Variants in ZMAT5 observed in about 807,000 individuals in gnomAD.
ZMAT5 encodes the protein zinc finger matrin-type 5.
A neutral mutation model predicts 28.0 loss-of-function variants in ZMAT5; 23 were observed. The observed-to-expected ratio is 0.82, with a 90% CI of 0.59 to 1.16. The LOEUF is 1.16. Among genes scored for constraint, ZMAT5 ranks in the 50% most tolerant of loss-of-function variants. ZMAT5 has a pLI of 0.00. For missense variants in ZMAT5, 173 were observed against 212.7 expected (o/e 0.81, Z 1.16); for synonymous variants, 76 against 84.1 (o/e 0.90, Z 0.52).
Position 29,738,327 on chromosome 22 carries a change from T to C in ZMAT5, c.383+3A>G, listed in dbSNP as rs771174040. 9 of 1,607,910 alleles carry C rather than the reference T, an allele frequency of 5.6e-6. No homozygotes were observed. In the South Asian group the frequency reaches 7.7e-5, roughly 14 times the overall value. ...AGCGGGAGGGAACCCTGGGGACCTGTACCTGCTACTTGGGGCTGAGCTCAG... is the reference window on the plus strand; with the variant it reads ...AGCGGGAGGGAACCCTGGGGACCTGCACCTGCTACTTGGGGCTGAGCTCAG... On this transcript the variant is annotated splice_donor_region_variant and intron_variant, in intron 5 of 5. Coordinates refer to ENST00000344318, the MANE Select transcript of ZMAT5 (RefSeq NM_001003692.2).
At chr22:29,751,520 C>G (rs1347896359) in intron 1 of ZMAT5, among the ~76,000 whole-genome samples, 1 of 152,210 alleles carries the variant, frequency 6.6e-6, no homozygotes, top group Non-Finnish European at 1.5e-5. Flanking sequence ...TATGCATCAT[C>G]TCATTTAATC....
At chr22:29,765,282 G>A (rs960911016) in intron 1 of ZMAT5, among the ~76,000 whole-genome samples, 3 of 151,794 alleles carry the variant, frequency 2.0e-5, no homozygotes, top group Admixed American at 6.6e-5. Flanking sequence ...AGCTGGGCGT[G>A]TTGGCATCCG....
At position 29,750,715 on chromosome 22, in the gene ZMAT5, C is replaced by A. The variant is rs995310386; in HGVS notation, c.-27-2144G>T. Among the ~76,000 whole-genome samples, 4 of 152,190 alleles carry A rather than the reference C, an allele frequency of 2.6e-5. No individual in the cohort carries two copies. In the East Asian group the frequency reaches 5.8e-4, roughly 22 times the overall value. On this transcript the variant is annotated intron_variant, in intron 1 of 5. Transcript: ENST00000344318. ...GGAAGAGAAATGATTTCCCCCAGGT[C>A]ACAAGGTAGCTATCCGGGCTAGCAG...
At chr22:29,741,280 TG>T (rs2067960431) in intron 3 of ZMAT5, among the ~76,000 whole-genome samples, 1 of 152,212 alleles carries the variant, frequency 6.6e-6, no homozygotes, top group East Asian at 1.9e-4. Flanking sequence ...GTCGAGATAC[TG>T]GGAGGCTGGA....
Position 29,731,207 on chromosome 22 carries a change from C to G in ZMAT5, c.*18G>C, listed in dbSNP as rs750516038. The G allele has an allele frequency of 6.8e-7, 1 of 1,478,418 alleles. No homozygotes were observed. Among genetic ancestry groups the G allele is most frequent in the Non-Finnish European group, 8.9e-7 (1 of 1,123,140 alleles). The allele number at this position is 1,478,418 out of a possible 1,614,324, so 91.6% of individuals were successfully genotyped here. A position where few individuals can be genotyped will look rare whatever the true frequency, so the allele number is the denominator to read the frequency against. On this transcript the variant is annotated 3_prime_UTR_variant, in exon 6 of 6. Transcript: ENST00000344318. ...ATGAGAAAAGTGACCACGTGGGGGTCAGTCGGGGGCAAGGGGCTCAGCCCC... is the reference window on the plus strand; with the variant it reads ...ATGAGAAAAGTGACCACGTGGGGGTGAGTCGGGGGCAAGGGGCTCAGCCCC...
chr22:29,739,070 A>G (rs1368402326), intron 4 of ZMAT5, among the ~76,000 whole-genome samples: 1 of 151,282 alleles, frequency 6.6e-6, no homozygotes, highest in Admixed American at 6.6e-5. Context: ...TCTGAGGTGC[A>G]GGGAGGCAGT....
At chr22:29,764,399 C>A (rs932303833) in intron 1 of ZMAT5, among the ~76,000 whole-genome samples, 16 of 152,144 alleles carry the variant, frequency 1.1e-4, no homozygotes, top group African/African-American at 3.4e-4. Context: ...CCTTCTGATC[C>A]CCTAACCTGG....
chr22:29,734,823 CCCCCG>C (rs1369366009), intron 5 of ZMAT5, among the ~76,000 whole-genome samples: 54 of 105,208 alleles, frequency 5.1e-4, no homozygotes, highest in Admixed American at 4.1e-3. Context: ...CAGGGAGGGT[CCCCCG>C]CCCCAGCCCC....
chr22:29,735,277 T>C (rs1416254257), intron 5 of ZMAT5, among the ~76,000 whole-genome samples: 1 of 152,154 alleles, frequency 6.6e-6, no homozygotes, highest in Non-Finnish European at 1.5e-5. Flanking sequence ...AGCCCCTTTT[T>C]CTCAAGGCTG....
chr22:29,749,047 C>T (rs2068034542), intron 1 of ZMAT5, among the ~76,000 whole-genome samples: 1 of 151,888 alleles, frequency 6.6e-6, no homozygotes, highest in Non-Finnish European at 1.5e-5. Flanking sequence ...CACCTTATAC[C>T]CTGTGGCTGG....
rs1410064245 is a variant in ZMAT5, at chr22:29,742,310, G to GCTTGGGATGGTGGC, written c.190+94_190+107dup. On this transcript the variant is annotated intron_variant, in intron 3 of 5. Coordinates refer to ENST00000344318, the MANE Select transcript of ZMAT5 (RefSeq NM_001003692.2). ...AGCTGGAGCCACTGCTGCAAAGTGG[G>GCTTGGGATGGTGGC]CTTGGGATGGTGGCCCGGGTCGGGG... is the stretch of plus-strand genomic sequence containing the variant. 4 of 1,128,808 alleles carry GCTTGGGATGGTGGC rather than the reference G, an allele frequency of 3.5e-6. No individual in the cohort carries two copies. In the African/African-American group the frequency reaches 6.1e-5, roughly 17 times the overall value. 69.9% of individuals were successfully genotyped at this position (1,128,808 alleles called of 1,614,324 possible). A position where few individuals can be genotyped will look rare whatever the true frequency, so the allele number is the denominator to read the frequency against.
At chr22:29,734,531 T>C (rs1162978499) in intron 5 of ZMAT5, among the ~76,000 whole-genome samples, 1 of 152,212 alleles carries the variant, frequency 6.6e-6, no homozygotes, top group Non-Finnish European at 1.5e-5. Flanking sequence ...TAAATGCTCA[T>C]TCATGCAGTA....
At chr22:29,743,783 C>G (rs1293073974) in intron 2 of ZMAT5, among the ~76,000 whole-genome samples, 1 of 152,168 alleles carries the variant, frequency 6.6e-6, no homozygotes. Flanking sequence ...TCTTGATAGG[C>G]AAGCTATTAA....
At chr22:29,754,960 C>T (rs2068085786) in intron 1 of ZMAT5, among the ~76,000 whole-genome samples, 4 of 152,022 alleles carry the variant, frequency 2.6e-5, no homozygotes. Context: ...GGCTGCCCAC[C>T]CCCTCACCCT....
chr22:29,742,729 T>A (rs375033437), intron 2 of ZMAT5, among the ~76,000 whole-genome samples: 1 of 152,262 alleles, frequency 6.6e-6, no homozygotes, highest in East Asian at 1.9e-4. Context: ...AAGGACCAAG[T>A]TTCATGCCAG....
chr22:29,759,003 C>T (rs946561155), intron 1 of ZMAT5: 1 of 152,242 alleles, frequency 6.6e-6, no homozygotes, highest in African/African-American at 2.4e-5. Flanking sequence ...AGAAATAGAG[C>T]AGACATTCCC....
At chr22:29,734,315 G>A (rs1452458134) in intron 5 of ZMAT5, among the ~76,000 whole-genome samples, 1 of 152,204 alleles carries the variant, frequency 6.6e-6, no homozygotes, top group Non-Finnish European at 1.5e-5. Context: ...GGCTGGCCTG[G>A]CTCACTGGAG....
chr22:29,763,352 C>A (rs1186275867), intron 1 of ZMAT5, among the ~76,000 whole-genome samples: 2 of 145,064 alleles, frequency 1.4e-5, no homozygotes, highest in Non-Finnish European at 3.1e-5. Flanking sequence ...ACCTGTAATC[C>A]CAGGATTTTG....
chr22:29,765,807 G>T (rs2068204191), intron 1 of ZMAT5, among the ~76,000 whole-genome samples: 2 of 152,306 alleles, frequency 1.3e-5, no homozygotes, highest in Non-Finnish European at 2.9e-5. Flanking sequence ...GGCGGAGGTT[G>T]CAGTAAGCCG....
Sources: gnomAD v4.1 joint callset for allele counts (sites outside exome capture counted in the v4.1 genomes callset) on GRCh38, gnomAD v4.1.1 for gene constraint, MANE v1.5 for transcripts, NCBI Gene and HGNC (gene_info 2026-07-23, HGNC 2026-07-21) for gene names.